Variants in PCSK6 observed in about 807,000 individuals in gnomAD.
PCSK6 encodes the protein proprotein convertase subtilisin/kexin type 6.
In PCSK6, 85 loss-of-function variants were observed where a neutral mutation model predicts 123.3. The ratio of observed to expected loss-of-function variants is 0.69; its 90% CI spans 0.58 to 0.83. The LOEUF (loss-of-function observed/expected upper bound fraction) is 0.83. Ranked by LOEUF, PCSK6 falls within the 40% of genes least tolerant of loss-of-function variation. The pLI, the probability that PCSK6 is intolerant of heterozygous loss-of-function variation, is 0.00. For synonymous variants in PCSK6, 508 were observed against 516.0 expected, an observed-to-expected ratio of 0.98 and a Z score of 0.21; for missense variants, 1,191 against 1,282.3, an observed-to-expected ratio of 0.93 and a Z score of 1.09.
intron 6 of PCSK6, among the ~76,000 whole-genome samples, chr15:101,408,557 T>G (rs569356027): frequency 2.0e-5 from 3 of 152,288 alleles, no homozygotes; most frequent in African/African-American, 7.2e-5. Context: ...CTGGCGATGC[T>G]CAGATCTAGC....
intron 13 of PCSK6, among the ~76,000 whole-genome samples, chr15:101,335,511 C>T (rs548329664): frequency 8.5e-5 from 13 of 152,304 alleles, no homozygotes; most frequent in Admixed American, 1.3e-4. Flanking sequence ...GTTGGTTCCC[C>T]GTTTCTTGTG....
chr15:101,366,949 C>G (rs774544268), intron 12 of PCSK6, among the ~76,000 whole-genome samples: 3 of 152,216 alleles, frequency 2.0e-5, no homozygotes, highest in Non-Finnish European at 2.9e-5. Flanking sequence ...GTCCCTTCAC[C>G]TGCAGGGCTG....
intron 11 of PCSK6, among the ~76,000 whole-genome samples, chr15:101,376,852 G>A (rs1212864888): frequency 1.3e-5 from 2 of 152,224 alleles, no homozygotes; most frequent in Non-Finnish European, 2.9e-5. Context: ...ATCTTCTGAG[G>A]ACACCCAGGC....
intron 2 of PCSK6, among the ~76,000 whole-genome samples, chr15:101,433,918 C>T (rs866627527): frequency 4.5e-4 from 66 of 148,122 alleles, no homozygotes; most frequent in Middle Eastern, 6.8e-3. Context: ...CGATGTAATT[C>T]GTCTATAAAA....
At chr15:101,415,548 G>T (rs969265253) in intron 6 of PCSK6, among the ~76,000 whole-genome samples, 1 of 152,188 alleles carries the variant, frequency 6.6e-6, no homozygotes, top group Non-Finnish European at 1.5e-5. Context: ...CAGCTTATGG[G>T]CTACCAGTTG....
intron 11 of PCSK6, among the ~76,000 whole-genome samples, chr15:101,374,001 T>C (rs2041660731): frequency 6.6e-6 from 1 of 152,208 alleles, no homozygotes; most frequent in African/African-American, 2.4e-5. Context: ...CCGAGGACGC[T>C]AAGGGAGTCC....
chr15:101,369,172 G>C (rs2041498172), intron 12 of PCSK6, among the ~76,000 whole-genome samples: 1 of 152,244 alleles, frequency 6.6e-6, no homozygotes, highest in Non-Finnish European at 1.5e-5. Context: ...GCTGCAGAGA[G>C]ACCAGGCTGC....
chr15:101,348,609 G>A (rs1273836798), intron 13 of PCSK6, among the ~76,000 whole-genome samples: 1 of 152,176 alleles, frequency 6.6e-6, no homozygotes, highest in Non-Finnish European at 1.5e-5. Flanking sequence ...GATGTTATAG[G>A]CACTATGGAC....
intron 5 of PCSK6, among the ~76,000 whole-genome samples, chr15:101,428,340 G>A (rs1359957749): frequency 6.6e-6 from 1 of 152,216 alleles, no homozygotes; most frequent in Non-Finnish European, 1.5e-5. Context: ...GTGTAGGGTG[G>A]GTGCTGCGCC....
chr15:101,311,536 C>T (rs1596165966), intron 20 of PCSK6, among the ~76,000 whole-genome samples: 1 of 152,026 alleles, frequency 6.6e-6, no homozygotes, highest in Non-Finnish European at 1.5e-5. Context: ...TCCTATGAAG[C>T]CTACAGAACT....
intron 1 of PCSK6, among the ~76,000 whole-genome samples, chr15:101,459,781 G>GCGCCTGC (rs2057298061): frequency 1.3e-5 from 2 of 151,206 alleles, no homozygotes; most frequent in Admixed American, 1.3e-4. Flanking sequence ...CTCCATCCAT[G>GCGCCTGC]CGCCTGCCAC....
intron 13 of PCSK6, among the ~76,000 whole-genome samples, chr15:101,332,450 T>G (rs528130470): frequency 6.6e-6 from 1 of 152,310 alleles, no homozygotes; most frequent in East Asian, 1.9e-4. Flanking sequence ...CAGGCCTGGC[T>G]GTGAGTCTTG....
Position 101,305,168 on chromosome 15 carries a change from C to T in PCSK6, c.*90G>A, listed in dbSNP as rs529775036. On this transcript the variant is annotated 3_prime_UTR_variant, in exon 22 of 22. Coordinates refer to ENST00000611716, the MANE Select transcript of PCSK6 (RefSeq NM_002570.5). This position sits in a 1 kb window ranked among gnomAD's most constrained non-coding sequence, Gnocchi z 4.8. ...TAAAGCTGTCAGGTGCAGGGCGCCG[C>T]TCCTGAAACAGACTCTGGCCGACAG... 32 of 1,112,994 alleles carry T rather than the reference C, an allele frequency of 2.9e-5. No homozygotes were observed. The highest frequency in any genetic ancestry group is 3.9e-5 in the Non-Finnish European group (30 of 760,598). 68.9% of individuals were successfully genotyped at this position (1,112,994 alleles called of 1,614,324 possible).
chr15:101,397,462 T>C (rs2042446437), intron 7 of PCSK6, among the ~76,000 whole-genome samples: 1 of 152,112 alleles, frequency 6.6e-6, no homozygotes. Context: ...TTAAACGATA[T>C]AAATTTAATG....
At chr15:101,489,169 C>T (rs1168777958) in intron 1 of PCSK6, among the ~76,000 whole-genome samples, 1 of 129,880 alleles carries the variant, frequency 7.7e-6, no homozygotes, top group African/African-American at 2.8e-5. Context: ...TCCCCCCCAC[C>T]CCGCCGAGTG....
intron 6 of PCSK6, among the ~76,000 whole-genome samples, chr15:101,416,669 G>A (rs1229827191): frequency 6.6e-6 from 1 of 152,246 alleles, no homozygotes; most frequent in African/African-American, 2.4e-5. Context: ...TCCTCGTACT[G>A]TATGCAGCCT....
rs574004155 is a variant in PCSK6 at position 101,461,928 on chromosome 15, T to C, written c.298-18268A>G. Among the ~76,000 whole-genome samples the C allele has an allele frequency of 1.8e-4, 27 of 152,256 alleles. No homozygotes were observed. In the South Asian group the frequency reaches 5.6e-3, roughly 32 times the overall value. On this transcript the variant is annotated intron_variant, in intron 1 of 21. Coordinates refer to ENST00000611716, the MANE Select transcript of PCSK6 (RefSeq NM_002570.5). The stretch of plus-strand genomic sequence containing the variant: ...AAGAACAAGATAAGACTGCCCAAAA[T>C]CAATGCTTTTATTCATCATTATACT...
intron 1 of PCSK6, among the ~76,000 whole-genome samples, chr15:101,472,854 CTCTT>C (rs1475575912): frequency 6.6e-6 from 1 of 152,178 alleles, no homozygotes; most frequent in Non-Finnish European, 1.5e-5. Context: ...ACATCCAGGG[CTCTT>C]TATGAGTAAC....
Position 101,340,713 on chromosome 15 carries a change from T to TGA in PCSK6, c.1859-8684_1859-8683dup, listed in dbSNP as rs200216305. ...TCCAGTGATGTCTCACCTAGGAAGC[T>TGA]GAGAATTCAGTTCTCTTACACTATC... On this transcript the variant is annotated intron_variant, in intron 13 of 21. Coordinates refer to ENST00000611716, the MANE Select transcript of PCSK6 (RefSeq NM_002570.5). Among the ~76,000 whole-genome samples, 1,002 of 152,316 alleles carry TGA rather than the reference T, an allele frequency of 6.6e-3. 10 individuals carry two copies. Among genetic ancestry groups the TGA allele is most frequent in the African/African-American group, 0.023 (959 of 41,552 alleles).
Sources: allele counts gnomAD v4.1 joint callset (sites outside exome capture counted in the v4.1 genomes callset), GRCh38; gene constraint gnomAD v4.1.1; non-coding constraint Gnocchi (gnomAD v3.1); transcripts MANE v1.5; gene names NCBI Gene and HGNC (gene_info 2026-07-23, HGNC 2026-07-21).